Variants in RNF150 observed in about 807,000 individuals in gnomAD.
RNF150 encodes ring finger protein 150.
RNF150 carries 24 observed loss-of-function variants against 39.3 expected under a neutral mutation model. The ratio of observed to expected loss-of-function variants is 0.61; its 90% CI spans 0.44 to 0.86. The LOEUF (loss-of-function observed/expected upper bound fraction) is 0.86, where lower values mean the gene tolerates loss of function less well. Among genes scored for constraint, RNF150 ranks in the 40% least tolerant of loss-of-function variants. The probability of loss-of-function intolerance (pLI) is 0.00; values close to 1 mark genes in which losing one functional copy is unlikely to be tolerated. For missense variants in RNF150, 502 were observed against 587.8 expected (o/e 0.85, Z 1.51); for synonymous variants, 255 against 227.3 (o/e 1.12, Z -1.10).
chr4:141,042,808 T>C (rs939593097), intron 1 of RNF150, among the ~76,000 whole-genome samples: 2 of 152,070 alleles, frequency 1.3e-5, no homozygotes, highest in Admixed American at 6.6e-5. Flanking sequence ...GATGGGGTGA[T>C]ATCTGTCTTT....
chr4:141,135,772 T>TC (rs1233499216), upstream of RNF150, among the ~76,000 whole-genome samples: 1 of 152,210 alleles, frequency 6.6e-6, no homozygotes, highest in Non-Finnish European at 1.5e-5. Flanking sequence ...AGTCTTGAAG[T>TC]ATCTTCTGAA....
At chr4:140,881,406 C>A (rs1729368434) in intron 6 of RNF150, among the ~76,000 whole-genome samples, 3 of 152,142 alleles carry the variant, frequency 2.0e-5, no homozygotes, top group Admixed American at 2.0e-4. Flanking sequence ...TCAAGGGATC[C>A]ATCTGCCTCA....
chr4:141,070,443 C>CA (rs1737647864), intron 1 of RNF150, among the ~76,000 whole-genome samples: 1 of 147,474 alleles, frequency 6.8e-6, no homozygotes, highest in Non-Finnish European at 1.5e-5. Flanking sequence ...AGTGAACAGG[C>CA]AACCTACAAA....
intron 4 of RNF150, among the ~76,000 whole-genome samples, chr4:140,939,295 G>C (rs11730659): frequency 6.6e-6 from 1 of 151,876 alleles, no homozygotes; most frequent in Non-Finnish European, 1.5e-5. Flanking sequence ...TCAACACTAA[G>C]GCTTTTAGTT....
intron 1 of RNF150, among the ~76,000 whole-genome samples, chr4:141,084,707 T>A (rs1192375547): frequency 1.3e-5 from 2 of 152,150 alleles, no homozygotes; most frequent in Non-Finnish European, 2.9e-5. Context: ...AGAGGTGAAA[T>A]GATGGTGAAA....
chr4:140,971,315 G>C (rs1452016791), intron 1 of RNF150, among the ~76,000 whole-genome samples: 1 of 152,090 alleles, frequency 6.6e-6, no homozygotes, highest in Non-Finnish European at 1.5e-5. Flanking sequence ...GCCCAGCACA[G>C]TGATCTGAGA....
At chr4:141,070,023 T>C (rs1005923630) in intron 1 of RNF150, among the ~76,000 whole-genome samples, 10 of 152,278 alleles carry the variant, frequency 6.6e-5, no homozygotes, top group Admixed American at 4.6e-4. Context: ...CCTGGATTCA[T>C]TGATTTTTTG....
intron 6 of RNF150, among the ~76,000 whole-genome samples, chr4:140,895,018 C>T (rs1217585897): frequency 6.6e-6 from 1 of 152,106 alleles, no homozygotes; most frequent in African/African-American, 2.4e-5. Context: ...AATCTGCAAG[C>T]CTGGCAAAAA....
At chr4:141,175,500 C>T (rs1282446174) in intron 1 of RNF150, among the ~76,000 whole-genome samples, 2 of 152,106 alleles carry the variant, frequency 1.3e-5, no homozygotes, top group Non-Finnish European at 2.9e-5. Context: ...GTGGTCGTAA[C>T]ATCCAAAGAA....
chr4:140,867,156 T>C lies in RNF150; in HGVS notation c.*1105A>G, dbSNP rs575357168. On this transcript the variant is annotated 3_prime_UTR_variant, in exon 7 of 7. Coordinates refer to ENST00000515673, the MANE Select transcript of RNF150 (RefSeq NM_020724.2). ...AGGGATTCACCTAAATCCTCCCACA[T>C]GGTCTGGTGAGATTCAACAGAAGTG... 3 of 152,300 alleles carry C rather than the reference T, an allele frequency of 2.0e-5. No individual in the cohort carries two copies. Among genetic ancestry groups the C allele is most frequent in the East Asian group, 1.9e-4 (1 of 5,176 alleles). 9.4% of individuals were successfully genotyped at this position (152,300 alleles called of 1,614,324 possible). A position where few individuals can be genotyped will look rare whatever the true frequency, so the allele number is the denominator to read the frequency against.
chr4:140,938,305 C>A (rs990631518), intron 4 of RNF150, among the ~76,000 whole-genome samples: 2 of 151,372 alleles, frequency 1.3e-5, no homozygotes, highest in African/African-American at 4.9e-5. Flanking sequence ...TTACATAATT[C>A]TTCCTCATGT....
At chr4:141,161,337 T>A (rs1390077434) in intron 1 of RNF150, among the ~76,000 whole-genome samples, 1 of 152,162 alleles carries the variant, frequency 6.6e-6, no homozygotes, top group Non-Finnish European at 1.5e-5. Flanking sequence ...AGCAGCAAAG[T>A]GTTCAAGATG....
chr4:141,008,271 T>A (rs539824566), intron 1 of RNF150, among the ~76,000 whole-genome samples: 1 of 152,340 alleles, frequency 6.6e-6, no homozygotes, highest in South Asian at 2.1e-4. Flanking sequence ...TTTGTTAATT[T>A]TATATTGGGT....
intron 1 of RNF150, among the ~76,000 whole-genome samples, chr4:141,027,975 A>G (rs7659387): frequency 0.65 from 55,805 of 86,368 alleles, 20,520 homozygotes; most frequent in Non-Finnish European, 0.77. Flanking sequence ...ATCAAGATGT[A>G]TATCTAGTGC....
intron 2 of RNF150, among the ~76,000 whole-genome samples, 164 bp from the exon 3 acceptor site, chr4:140,949,536 G>A (rs937871546): frequency 2.6e-5 from 4 of 152,156 alleles, no homozygotes; most frequent in Non-Finnish European, 4.4e-5. Context: ...ATTTGTGCAA[G>A]GGGGCTCTAC....
At chr4:141,116,022 C>G (rs1739539026) in intron 1 of RNF150, among the ~76,000 whole-genome samples, 2 of 152,054 alleles carry the variant, frequency 1.3e-5, no homozygotes, top group South Asian at 4.1e-4. Flanking sequence ...AACGTAAGAC[C>G]TAAAACCATA....
intron 1 of RNF150, among the ~76,000 whole-genome samples, chr4:141,151,916 C>G (rs1578768803): frequency 2.6e-5 from 4 of 151,970 alleles, no homozygotes. Context: ...AATTGATTTA[C>G]CAGATAGCTA....
intron 1 of RNF150, among the ~76,000 whole-genome samples, chr4:140,996,482 G>A (rs898718732): frequency 1.5e-4 from 23 of 152,190 alleles, no homozygotes; most frequent in Non-Finnish European, 2.8e-4. Flanking sequence ...CTGGTTTAAA[G>A]TCTTGGCTTT....
At chr4:140,887,595 A>C (rs17006600) in intron 6 of RNF150, among the ~76,000 whole-genome samples, 6,258 of 152,206 alleles carry the variant, frequency 0.041, 447 homozygotes, top group African/African-American at 0.14. Flanking sequence ...TAAAAAGTTC[A>C]TTCACCATGT....
Sources: allele counts gnomAD v4.1 joint callset (sites outside exome capture counted in the v4.1 genomes callset), GRCh38; gene constraint gnomAD v4.1.1; transcripts MANE v1.5; gene names NCBI Gene and HGNC (gene_info 2026-07-23, HGNC 2026-07-21).